Variants in SUCLG2 observed in about 807,000 individuals in gnomAD.
The protein encoded by SUCLG2 is succinate--CoA ligase [GDP-forming] subunit beta, mitochondrial.
A neutral mutation model predicts 47.9 loss-of-function variants in SUCLG2; 42 were observed. That is an observed-to-expected ratio of 0.88 (90% CI 0.69 to 1.14). SUCLG2 has a LOEUF of 1.14. SUCLG2 is among the 50% of genes most tolerant of loss of function. SUCLG2 has a pLI of 0.00. For missense variants in SUCLG2, 571 were observed against 525.9 expected, an observed-to-expected ratio of 1.09 and a Z score of -0.84; for synonymous variants, 195 against 197.3, an observed-to-expected ratio of 0.99 and a Z score of 0.10.
At chr3:67,510,964 C>T (rs1175213460) in intron 6 of SUCLG2, among the ~76,000 whole-genome samples, 1 of 149,272 alleles carries the variant, frequency 6.7e-6, no homozygotes, top group Non-Finnish European at 1.5e-5. Context: ...GATCTCAGCT[C>T]ACTGCAACCT....
intron 1 of SUCLG2, among the ~76,000 whole-genome samples, chr3:67,624,682 G>A (rs1700792385): frequency 6.6e-6 from 1 of 152,090 alleles, no homozygotes; most frequent in Non-Finnish European, 1.5e-5. Flanking sequence ...GAGGGGGAGA[G>A]GGTAAATCAT....
intron 9 of SUCLG2, among the ~76,000 whole-genome samples, chr3:67,464,240 A>G (rs927656050): frequency 1.3e-5 from 2 of 152,194 alleles, no homozygotes; most frequent in Non-Finnish European, 2.9e-5. Flanking sequence ...TACTTAAAGT[A>G]TAAGCACCAA....
intron 9 of SUCLG2, among the ~76,000 whole-genome samples, chr3:67,481,668 T>C (rs1704920388): frequency 6.6e-6 from 1 of 152,216 alleles, no homozygotes; most frequent in Non-Finnish European, 1.5e-5. Flanking sequence ...ACCTTAAGTA[T>C]AATATTGCTC....
At chr3:67,498,037 T>G in intron 8 of SUCLG2, 97 bp downstream of exon 8, 1 of 1,297,600 alleles carries the variant, frequency 7.7e-7, no homozygotes, top group Non-Finnish European at 1.1e-6. Context: ...AAAACTTATG[T>G]GCTTACTTCT....
intron 10 of SUCLG2, among the ~76,000 whole-genome samples, chr3:67,377,664 T>G (rs2106760356): frequency 6.6e-6 from 1 of 152,298 alleles, no homozygotes; most frequent in African/African-American, 2.4e-5. Flanking sequence ...GTCTTGCTTT[T>G]TGTTTTTGAG....
At chr3:67,646,779 T>G (rs1274255880) in intron 1 of SUCLG2, among the ~76,000 whole-genome samples, 1 of 152,176 alleles carries the variant, frequency 6.6e-6, no homozygotes. Flanking sequence ...TCTAGTATCC[T>G]GGCATAATGA....
chr3:67,498,305 G>C lies in SUCLG2; in HGVS notation c.758-10C>G, dbSNP rs1230023652. On this transcript the variant is annotated splice_polypyrimidine_tract_variant and intron_variant, in intron 7 of 10. Coordinates refer to ENST00000307227, the MANE Select transcript of SUCLG2 (RefSeq NM_003848.4). ...GCATCAAAACAGACAACTAAATAAA[G>C]AAGAAAACAATCATACTTGAATATC... 1 of 1,364,304 alleles carries C rather than the reference G, an allele frequency of 7.3e-7. No individual in the cohort carries two copies. The highest frequency in any genetic ancestry group is 9.5e-7 in the Non-Finnish European group (1 of 1,054,870). 84.5% of individuals were successfully genotyped at this position (1,364,304 alleles called of 1,614,324 possible).
At chr3:67,466,648 G>A (rs1559536943) in intron 9 of SUCLG2, among the ~76,000 whole-genome samples, 3 of 152,276 alleles carry the variant, frequency 2.0e-5, no homozygotes, top group Non-Finnish European at 2.9e-5. Context: ...GAAGTTTGTC[G>A]CTATCGATTT....
chr3:67,554,436 A>T (rs1462149932), intron 2 of SUCLG2, among the ~76,000 whole-genome samples: 1 of 152,172 alleles, frequency 6.6e-6, no homozygotes, highest in African/African-American at 2.4e-5. Flanking sequence ...AAACTTCTAT[A>T]AATTGTGTCA....
chr3:67,418,064 C>T (rs987091482), intron 9 of SUCLG2, among the ~76,000 whole-genome samples: 4 of 152,178 alleles, frequency 2.6e-5, no homozygotes, highest in Non-Finnish European at 5.9e-5. Context: ...GCAGTAGGTT[C>T]TGATTCTGAT....
chr3:67,587,651 C>T (rs1181325027), intron 2 of SUCLG2, among the ~76,000 whole-genome samples: 1 of 151,752 alleles, frequency 6.6e-6, no homozygotes, highest in Non-Finnish European at 1.5e-5. Context: ...ATTAAGACCA[C>T]AAAAATAACA....
intron 9 of SUCLG2, 136 bp from the exon 10 acceptor site, chr3:67,400,987 C>T (rs1184722874): frequency 2.1e-5 from 26 of 1,239,328 alleles, no homozygotes; most frequent in Non-Finnish European, 2.7e-5. Context: ...GCATAAAATA[C>T]AAAAATGGCC....
At chr3:67,585,917 A>C (rs1386366834) in intron 2 of SUCLG2, among the ~76,000 whole-genome samples, 2 of 146,294 alleles carry the variant, frequency 1.4e-5, no homozygotes, top group African/African-American at 5.0e-5. Context: ...CAGTGAGCCG[A>C]GATCATGCCA....
intron 10 of SUCLG2, among the ~76,000 whole-genome samples, chr3:67,390,702 G>C (rs1702361174): frequency 6.7e-6 from 1 of 150,060 alleles, no homozygotes; most frequent in African/African-American, 2.5e-5. Context: ...CACAAAAATT[G>C]CCTAGACGGT....
chr3:67,647,855 C>T (rs1328791850), intron 1 of SUCLG2, among the ~76,000 whole-genome samples: 2 of 152,164 alleles, frequency 1.3e-5, no homozygotes, highest in African/African-American at 4.8e-5. Context: ...ACAATAACTC[C>T]TATTTCACAT....
At chr3:67,432,263 A>C (rs569648882) in intron 9 of SUCLG2, among the ~76,000 whole-genome samples, 12 of 152,348 alleles carry the variant, frequency 7.9e-5, no homozygotes, top group Admixed American at 4.6e-4. Flanking sequence ...TTCAGTAAAG[A>C]AGCAGCAAGT....
At chr3:67,429,390 C>A (rs1174223581) in intron 9 of SUCLG2, among the ~76,000 whole-genome samples, 2 of 152,162 alleles carry the variant, frequency 1.3e-5, no homozygotes, top group East Asian at 3.8e-4. Context: ...CCTTTACGGG[C>A]AAGCAAATGC....
intron 9 of SUCLG2, among the ~76,000 whole-genome samples, chr3:67,443,042 C>T (rs1703811150): frequency 6.6e-6 from 1 of 152,162 alleles, no homozygotes; most frequent in South Asian, 2.1e-4. Context: ...CATGTACAGA[C>T]TTTCTTTGGT....
At chr3:67,616,399 T>G (rs1700629456) in intron 1 of SUCLG2, among the ~76,000 whole-genome samples, 1 of 152,148 alleles carries the variant, frequency 6.6e-6, no homozygotes, top group Non-Finnish European at 1.5e-5. Flanking sequence ...ACACACATGT[T>G]CACACATGAA....
Sources: gnomAD v4.1 joint callset for allele counts (sites outside exome capture counted in the v4.1 genomes callset) on GRCh38, gnomAD v4.1.1 for gene constraint, MANE v1.5 for transcripts, NCBI Gene and HGNC (gene_info 2026-07-23, HGNC 2026-07-21) for gene names.